RANBP2: variants seen among roughly 807,000 people sequenced by gnomAD.
The protein encoded by RANBP2 is E3 SUMO-protein ligase RanBP2.
RANBP2 carries 57 observed loss-of-function variants against 303.6 expected under a neutral mutation model. That is an observed-to-expected ratio of 0.19 (90% CI 0.15 to 0.23). The LOEUF (loss-of-function observed/expected upper bound fraction) is 0.23. Among genes scored for constraint, RANBP2 ranks in the 10% least tolerant of loss-of-function variants. RANBP2 has a pLI of 1.00. For missense variants in RANBP2, 3,138 were observed against 3,780.8 expected (o/e 0.83, Z 4.46); for synonymous variants, 1,167 against 1,301.5 (o/e 0.90, Z 2.23).
chr2:109,564,130 T>A, the RANBP2 span: 1 of 380,366 alleles, frequency 2.6e-6, no homozygotes, highest in Non-Finnish European at 4.6e-6. Flanking sequence ...CTGCCATACA[T>A]TCTTCATCAT....
the RANBP2 span, among the ~76,000 whole-genome samples, chr2:109,223,820 G>A: frequency 6.6e-6 from 1 of 152,348 alleles, no homozygotes; most frequent in East Asian, 1.9e-4. Context: ...TGTTTGTGCA[G>A]AAAGTGAAAT....
At chr2:109,312,075 G>A in the RANBP2 span, among the ~76,000 whole-genome samples, 1 of 152,184 alleles carries the variant, frequency 6.6e-6, no homozygotes, top group Non-Finnish European at 1.5e-5. Flanking sequence ...GAACCTTGGT[G>A]TATGTGTTTT....
the RANBP2 span, among the ~76,000 whole-genome samples, chr2:109,228,836 A>G: frequency 2.0e-5 from 3 of 151,974 alleles, no homozygotes; most frequent in South Asian, 4.2e-4. Context: ...CCAAACTCCA[A>G]CTTGTAGGGA....
chr2:109,053,430 C>T, the RANBP2 span, among the ~76,000 whole-genome samples: 4 of 152,166 alleles, frequency 2.6e-5, no homozygotes, highest in Admixed American at 6.5e-5. Context: ...TGCCCCAGTC[C>T]CCCATAGAAA....
chr2:108,788,452 C>G (rs1039775643), downstream of RANBP2, among the ~76,000 whole-genome samples: 2 of 151,192 alleles, frequency 1.3e-5, no homozygotes, highest in Non-Finnish European at 2.9e-5. Flanking sequence ...CGCGCGGTGG[C>G]TCACGCCTGT....
the RANBP2 span, among the ~76,000 whole-genome samples, chr2:109,177,283 A>G: frequency 6.6e-6 from 1 of 152,216 alleles, no homozygotes; most frequent in African/African-American, 2.4e-5. Context: ...GGGCTGGTGC[A>G]GAGAAGGAGC....
the RANBP2 span, among the ~76,000 whole-genome samples, chr2:109,512,669 T>G: frequency 6.6e-6 from 1 of 152,056 alleles, no homozygotes; most frequent in African/African-American, 2.4e-5. Context: ...CCACAGAGGC[T>G]GAGCAAGAAA....
the RANBP2 span, among the ~76,000 whole-genome samples, chr2:109,641,837 C>T: frequency 1.3e-5 from 2 of 152,018 alleles, no homozygotes; most frequent in Admixed American, 6.6e-5. Flanking sequence ...TGAAGTTTCA[C>T]TCTTGTTGCC....
the RANBP2 span, among the ~76,000 whole-genome samples, chr2:109,080,212 A>T: frequency 6.6e-6 from 1 of 152,192 alleles, no homozygotes; most frequent in African/African-American, 2.4e-5. Context: ...AGAGGAGCTG[A>T]CAACCACTCC....
the RANBP2 span, among the ~76,000 whole-genome samples, chr2:109,666,927 T>C: frequency 2.0e-5 from 3 of 152,176 alleles, no homozygotes; most frequent in African/African-American, 4.8e-5. Flanking sequence ...AAGCTATTTG[T>C]ATTTGTTCCT....
the RANBP2 span, chr2:109,567,942 G>T: frequency 6.2e-7 from 1 of 1,612,872 alleles, no homozygotes; most frequent in Non-Finnish European, 8.5e-7. Context: ...TTTAGAAACC[G>T]TATCTGCTTT....
Position 108,736,176 on chromosome 2 carries a change from C to T in RANBP2, c.709C>T (p.Leu237=), listed in dbSNP as rs756558578. The T allele has an allele frequency of 6.2e-7, 1 of 1,611,952 alleles. No homozygotes were observed. The highest frequency in any genetic ancestry group is 1.1e-5 in the South Asian group (1 of 90,986). Residue 237 remains leucine, a synonymous_variant, in exon 6 of 29, where the codon CTG becomes TTG. Transcript: ENST00000283195. ...GCGAGCAACCAATACAGACTTACTG[C>T]TGGCCTATGCTAATCTTATGCTTCT... ...DWRATNTDLL[L]AYANLMLLTL...
At chr2:109,159,348 C>T in the RANBP2 span, among the ~76,000 whole-genome samples, 2 of 152,208 alleles carry the variant, frequency 1.3e-5, no homozygotes, top group Non-Finnish European at 2.9e-5. Flanking sequence ...CCTGCCCTGC[C>T]CAGCCCCAGG....
rs756177271 is a variant in RANBP2 at position 108,755,223 on chromosome 2, A to G, written c.2430A>G (p.Leu810=). 6.2e-7 allele frequency: 1 copy of G among 1,611,834 alleles called. No homozygotes were observed. The highest frequency in any genetic ancestry group is 8.5e-7 in the Non-Finnish European group (1 of 1,179,834). Residue 810 remains leucine, a synonymous_variant, in exon 17 of 29, where the codon TTA becomes TTG. Coordinates refer to ENST00000283195, the MANE Select transcript of RANBP2 (RefSeq NM_006267.5). ...PPRWAEDQNS[L]LKMICQQVEA... ...GATGGGCAGAAGATCAGAATTCTTT[A>G]CTGAAAATGATTTGCCAACAAGTAG... is the stretch of plus-strand genomic sequence containing the variant.
the RANBP2 span, among the ~76,000 whole-genome samples, chr2:108,860,740 C>T: frequency 6.6e-6 from 1 of 151,806 alleles, no homozygotes. Flanking sequence ...CTGTGTTGAT[C>T]AGGGATATTG....
the RANBP2 span, among the ~76,000 whole-genome samples, chr2:108,897,846 C>T: frequency 6.6e-6 from 1 of 152,142 alleles, no homozygotes; most frequent in African/African-American, 2.4e-5. Context: ...GCTAAAAGCC[C>T]TGGACATTCT....
the RANBP2 span, among the ~76,000 whole-genome samples, chr2:109,670,955 C>A: frequency 6.6e-6 from 1 of 152,204 alleles, no homozygotes. Context: ...ATGGTGTCTC[C>A]AATCCCCACC....
At chr2:108,908,397 A>G in the RANBP2 span, among the ~76,000 whole-genome samples, 2 of 152,210 alleles carry the variant, frequency 1.3e-5, no homozygotes, top group Non-Finnish European at 2.9e-5. Flanking sequence ...AGTAAGCACC[A>G]AGTTCAACTG....
the RANBP2 span, among the ~76,000 whole-genome samples, chr2:109,017,500 A>G: frequency 6.6e-6 from 1 of 152,200 alleles, no homozygotes; most frequent in Non-Finnish European, 1.5e-5. Context: ...GGCCTCATCC[A>G]CTTCCAGCCT....
Sources: gnomAD v4.1 joint callset for allele counts (sites outside exome capture counted in the v4.1 genomes callset) on GRCh38, gnomAD v4.1.1 for gene constraint, MANE v1.5 for transcripts, NCBI Gene and HGNC (gene_info 2026-07-23, HGNC 2026-07-21) for gene names.